Variants in WDR20 observed in about 807,000 individuals in gnomAD.
WDR20 encodes WD repeat-containing protein 20.
Under a neutral mutation model 38.7 loss-of-function variants are expected in WDR20, and 3 were observed. The ratio of observed to expected loss-of-function variants is 0.08; its 90% CI spans 0.04 to 0.20. The LOEUF (loss-of-function observed/expected upper bound fraction) is 0.20. Ranked by LOEUF, WDR20 falls within the 10% of genes least tolerant of loss-of-function variation. The pLI is 1.00. For missense variants in WDR20, 559 were observed against 727.7 expected (o/e 0.77, Z 2.67); for synonymous variants, 298 against 285.6 (o/e 1.04, Z -0.44).
chr14:102,150,732 G>A (rs2055488894), intron 1 of WDR20, among the ~76,000 whole-genome samples: 1 of 152,132 alleles, frequency 6.6e-6, no homozygotes, highest in African/African-American at 2.4e-5. Context: ...TGTGTGAAAA[G>A]CAGTATGCCA....
Position 102,163,488 on chromosome 14 carries a change from C to T in WDR20, c.249+23316C>T, listed in dbSNP as rs140889725. Among the ~76,000 whole-genome samples, 33 of 151,936 alleles carry T rather than the reference C, an allele frequency of 2.2e-4. No homozygotes were observed. The Middle Eastern group carries it at 0.01, about 47-fold the overall frequency. ...ACCAAAAATACAAAAATTAGCCAGG[C>T]GTGGTGGCGTGTGCCTGTAATCCCG... On this transcript the variant is annotated intron_variant, in intron 1 of 2. Transcript: ENST00000342702.
At chr14:102,159,350 A>G (rs2058149616) in intron 1 of WDR20, among the ~76,000 whole-genome samples, 1 of 152,098 alleles carries the variant, frequency 6.6e-6, no homozygotes, top group Admixed American at 6.5e-5. Context: ...TCAGCCCTCA[A>G]AGTGTGATCC....
At chr14:102,183,350 G>A (rs2063817832) in intron 1 of WDR20, among the ~76,000 whole-genome samples, 1 of 152,146 alleles carries the variant, frequency 6.6e-6, no homozygotes, top group African/African-American at 2.4e-5. Context: ...CAAGCATTTT[G>A]GCCACTTGTT....
In WDR20 at chr14:102,195,023, C is replaced by T. The variant is rs753614307; in HGVS notation, c.335C>T (p.Thr112Ile). The change falls in exon 2 of 3, where the codon ACA becomes ATA. Residue 112 changes from threonine to isoleucine, a missense_variant. Coordinates refer to ENST00000342702, the MANE Select transcript of WDR20 (RefSeq NM_144574.4). Reference protein sequence around the residue: ...TCHDFNHLTATAESVSLLVGF... With the variant: ...TCHDFNHLTAIAESVSLLVGF... ...CATGACTTCAACCACCTAACAGCCA[C>T]AGCAGAAAGTGTCTCTCTCCTAGTG... 6.2e-7 allele frequency: 1 copy of T among 1,614,232 alleles called. No homozygotes were observed. The highest frequency in any genetic ancestry group is 8.5e-7 in the Non-Finnish European group (1 of 1,180,038).
intron 1 of WDR20, chr14:102,193,374 A>G (rs1411037457): frequency 1.0e-5 from 14 of 1,367,416 alleles, no homozygotes; most frequent in African/African-American, 2.9e-5. Context: ...TCCTCGCTCC[A>G]GTCAGGACTC....
chr14:102,212,603 A>G, downstream of WDR20: 1 of 1,535,578 alleles, frequency 6.5e-7, no homozygotes, highest in Admixed American at 2.0e-5. Flanking sequence ...CAGCTTGAGA[A>G]GAGGGCACTG....
At chr14:102,204,608 C>G (rs1266253699) in intron 2 of WDR20, among the ~76,000 whole-genome samples, 1 of 152,216 alleles carries the variant, frequency 6.6e-6, no homozygotes, top group South Asian at 2.1e-4. Flanking sequence ...CTTGACCTCT[C>G]TAAGCTTCTT....
intron 2 of WDR20, among the ~76,000 whole-genome samples, chr14:102,200,085 G>A (rs781024568): frequency 3.9e-5 from 6 of 152,176 alleles, no homozygotes; most frequent in Non-Finnish European, 7.3e-5. Flanking sequence ...CCCTCTTCCC[G>A]CTCCCTGGGA....
intron 2 of WDR20, chr14:102,197,754 GA>G: frequency 1.4e-6 from 1 of 700,668 alleles, no homozygotes; most frequent in Non-Finnish European, 2.6e-6. Context: ...TGTTTTTTTA[GA>G]ACTCTTGTCA....
At chr14:102,180,301 GGA>G (rs1461991232) in intron 1 of WDR20, among the ~76,000 whole-genome samples, 3 of 152,126 alleles carry the variant, frequency 2.0e-5, no homozygotes, top group Non-Finnish European at 2.9e-5. Flanking sequence ...CCCATTTTGT[GGA>G]AGTGGTGGTA....
At chr14:102,173,348 A>T (rs991457206) in intron 1 of WDR20, among the ~76,000 whole-genome samples, 7 of 147,456 alleles carry the variant, frequency 4.7e-5, no homozygotes, top group African/African-American at 7.3e-5. Context: ...TCCTGAGCTC[A>T]GACAATCCAC....
chr14:102,171,371 C>T (rs2060795905), intron 1 of WDR20: 1 of 147,360 alleles, frequency 6.8e-6, no homozygotes, highest in Non-Finnish European at 1.5e-5. Flanking sequence ...TCAAGGGATT[C>T]TCCCACCTCA....
intron 1 of WDR20, among the ~76,000 whole-genome samples, chr14:102,189,335 C>T (rs963027990): frequency 6.6e-6 from 1 of 152,190 alleles, no homozygotes; most frequent in African/African-American, 2.4e-5. Flanking sequence ...AATTTTAAAA[C>T]TATCACTTAA....
At chr14:102,144,786 C>G (rs1278583913) in intron 1 of WDR20, among the ~76,000 whole-genome samples, 1 of 151,966 alleles carries the variant, frequency 6.6e-6, no homozygotes, top group Non-Finnish European at 1.5e-5. Flanking sequence ...TCACTGCAAC[C>G]TCTGCCGCCC....
intron 1 of WDR20, among the ~76,000 whole-genome samples, chr14:102,152,946 A>G (rs892900450): frequency 2.0e-5 from 3 of 152,164 alleles, no homozygotes; most frequent in African/African-American, 7.2e-5. Context: ...TAGGAGTCTC[A>G]TTGGGAGCTC....
rs552696296 is a variant in WDR20 at position 102,157,509 on chromosome 14, GA to G, written c.249+17338del. ...TTTTTGCTTCATTTTTCTTCTTCCT[GA>G]TCATTCTTGCTGCCCTAACTAGAGG... On this transcript the variant is annotated intron_variant, in intron 1 of 2. Coordinates refer to ENST00000342702, the MANE Select transcript of WDR20 (RefSeq NM_144574.4). Among the ~76,000 whole-genome samples, 178 of 152,090 alleles carry G rather than the reference GA, an allele frequency of 1.2e-3. 2 individuals carry two copies. The highest frequency in any genetic ancestry group is 4.2e-3 in the African/African-American group (175 of 41,438).
intron 2 of WDR20, chr14:102,195,818 C>T (rs2059319890): frequency 6.6e-6 from 1 of 152,238 alleles, no homozygotes; most frequent in Non-Finnish European, 1.5e-5. Context: ...GTTGGAGCAT[C>T]TTTCAGCCTC....
intron 1 of WDR20, among the ~76,000 whole-genome samples, chr14:102,150,046 C>T (rs2055204243): frequency 6.6e-6 from 1 of 152,100 alleles, no homozygotes; most frequent in African/African-American, 2.4e-5. Context: ...ATTCTAAAAA[C>T]ATGCCAAATC....
chr14:102,139,441 G>A, upstream of WDR20: 1 of 1,506,662 alleles, frequency 6.6e-7, no homozygotes, highest in Non-Finnish European at 8.9e-7. Context: ...TGCTGGCTCC[G>A]AAGCGGTGGC....
Sources: gnomAD v4.1 joint callset for allele counts (sites outside exome capture counted in the v4.1 genomes callset) on GRCh38, gnomAD v4.1.1 for gene constraint, MANE v1.5 for transcripts, NCBI Gene and HGNC (gene_info 2026-07-23, HGNC 2026-07-21) for gene names.